The following SPATS2 variants were observed in gnomAD, a reference collection of about 807,000 sequenced individuals.
SPATS2 encodes spermatogenesis-associated serine-rich protein 2.
In SPATS2, 38 loss-of-function variants were observed where a neutral mutation model predicts 63.7. That is an observed-to-expected ratio of 0.60 (90% CI 0.46 to 0.78). SPATS2 has a LOEUF of 0.78. SPATS2 is among the 30% of genes least tolerant of loss of function. The pLI, the probability that SPATS2 is intolerant of heterozygous loss-of-function variation, is 0.00. For missense variants in SPATS2, 588 were observed against 666.2 expected, an observed-to-expected ratio of 0.88 and a Z score of 1.29; for synonymous variants, 207 against 232.9, an observed-to-expected ratio of 0.89 and a Z score of 1.01.
intron 2 of SPATS2, among the ~76,000 whole-genome samples, chr12:49,377,365 C>T (rs945451929): frequency 6.6e-6 from 1 of 152,102 alleles, no homozygotes; most frequent in Non-Finnish European, 1.5e-5. Context: ...AATGTGTGTT[C>T]GGTCTCTAGC....
At chr12:49,457,192 C>A (rs893131398) in intron 2 of SPATS2, among the ~76,000 whole-genome samples, 2 of 151,732 alleles carry the variant, frequency 1.3e-5, no homozygotes, top group Non-Finnish European at 2.9e-5. Flanking sequence ...TATTGTTTTC[C>A]AGGTTGGGTT....
intron 9 of SPATS2, among the ~76,000 whole-genome samples, chr12:49,509,402 TC>T (rs1413975925): frequency 6.7e-6 from 1 of 149,058 alleles, no homozygotes; most frequent in Non-Finnish European, 1.5e-5. Flanking sequence ...TGCCTGAGTC[TC>T]CCATGCAATT....
chr12:49,403,300 C>G (rs1348705460), intron 2 of SPATS2, among the ~76,000 whole-genome samples: 1 of 151,924 alleles, frequency 6.6e-6, no homozygotes, highest in Admixed American at 6.6e-5. Context: ...CCAAAGTGGT[C>G]AAAAGTAAAA....
At chr12:49,430,173 G>A (rs1402629646) in intron 2 of SPATS2, among the ~76,000 whole-genome samples, 5 of 143,208 alleles carry the variant, frequency 3.5e-5, no homozygotes, top group African/African-American at 7.9e-5. Context: ...TGATCTTGGC[G>A]CACTGCAAGG....
chr12:49,489,416 C>T (rs1946347984), intron 4 of SPATS2, 49 bp from the exon 5 acceptor site: 1 of 1,476,180 alleles, frequency 6.8e-7, no homozygotes, highest in Non-Finnish European at 9.5e-7. Flanking sequence ...CCTCAGCTGC[C>T]TAGTGACCTA....
At chr12:49,428,180 A>C (rs1009964209) in intron 2 of SPATS2, among the ~76,000 whole-genome samples, 1 of 152,006 alleles carries the variant, frequency 6.6e-6, no homozygotes, top group Admixed American at 6.6e-5. Context: ...GCGTGAACCC[A>C]GGAGGCGGAG....
At chr12:49,401,505 A>T (rs1944604802) in intron 2 of SPATS2, among the ~76,000 whole-genome samples, 1 of 152,074 alleles carries the variant, frequency 6.6e-6, no homozygotes, top group African/African-American at 2.4e-5. Context: ...ACCCTCAACC[A>T]TTTCTACTTT....
At chr12:49,385,171 C>T (rs1944290693) in intron 2 of SPATS2, among the ~76,000 whole-genome samples, 1 of 151,676 alleles carries the variant, frequency 6.6e-6, no homozygotes, top group African/African-American at 2.4e-5. Context: ...TAGGAGTAAA[C>T]TAAGCATGAA....
intron 2 of SPATS2, among the ~76,000 whole-genome samples, chr12:49,447,515 G>C (rs933284313): frequency 6.6e-6 from 1 of 152,224 alleles, no homozygotes; most frequent in Non-Finnish European, 1.5e-5. Context: ...GGGATTACAG[G>C]CGTGAGCCAC....
At chr12:49,412,319 C>T (rs1290585915) in intron 2 of SPATS2, among the ~76,000 whole-genome samples, 2 of 151,854 alleles carry the variant, frequency 1.3e-5, no homozygotes, top group Admixed American at 6.6e-5. Flanking sequence ...CTCAGCCTCC[C>T]GAGTAGCTGG....
intron 9 of SPATS2, 92 bp from the exon 10 acceptor site, chr12:49,514,463 A>C: frequency 8.4e-7 from 1 of 1,197,230 alleles, no homozygotes; most frequent in Non-Finnish European, 1.2e-6. Context: ...TTAGCAAACA[A>C]ACTCACTGGT....
chr12:49,468,058 C>CT (rs1251396562), intron 3 of SPATS2, among the ~76,000 whole-genome samples: 1 of 151,626 alleles, frequency 6.6e-6, no homozygotes, highest in Non-Finnish European at 1.5e-5. Context: ...CCTTTCTTTT[C>CT]TTTTTCTCTT....
At chr12:49,462,409 C>A (rs1945837633) in intron 3 of SPATS2, 1 of 702,348 alleles carries the variant, frequency 1.4e-6, no homozygotes, top group Non-Finnish European at 2.6e-6. Flanking sequence ...GCCTGTGACC[C>A]CCGAAGCTCC....
intron 6 of SPATS2, among the ~76,000 whole-genome samples, chr12:49,492,408 G>T (rs749240475): frequency 1.4e-5 from 2 of 147,214 alleles, no homozygotes; most frequent in Non-Finnish European, 2.9e-5. Context: ...TTTTAGTAGA[G>T]ACAGGGTTTC....
intron 2 of SPATS2, among the ~76,000 whole-genome samples, chr12:49,409,421 T>G (rs551233230): frequency 6.6e-6 from 1 of 152,042 alleles, no homozygotes; most frequent in South Asian, 2.1e-4. Context: ...TTCTCCTGCT[T>G]CAGCCTCCCG....
chr12:49,516,217 C>A, intron 10 of SPATS2, among the ~76,000 whole-genome samples: 1 of 102,764 alleles, frequency 9.7e-6, no homozygotes, highest in African/African-American at 3.6e-5. Flanking sequence ...ATAAATCAGG[C>A]ATGGGGTCAT....
At chr12:49,424,128 G>A (rs1284958424) in intron 2 of SPATS2, among the ~76,000 whole-genome samples, 3 of 152,058 alleles carry the variant, frequency 2.0e-5, no homozygotes, top group African/African-American at 4.8e-5. Flanking sequence ...ACTTGAACCC[G>A]AGAGGTGGAG....
intron 2 of SPATS2, among the ~76,000 whole-genome samples, chr12:49,387,479 AT>A (rs1483582900): frequency 6.6e-6 from 1 of 151,786 alleles, no homozygotes; most frequent in African/African-American, 2.4e-5. Context: ...TCTACTAAAA[AT>A]ACAAAAATTG....
chr12:49,500,854 T>G (rs572824101), intron 9 of SPATS2, among the ~76,000 whole-genome samples: 1 of 152,276 alleles, frequency 6.6e-6, no homozygotes, highest in Non-Finnish European at 1.5e-5. Flanking sequence ...TGAACAAAAT[T>G]ATAAAGTAGA....
Sources: gnomAD v4.1 joint callset for allele counts (sites outside exome capture counted in the v4.1 genomes callset) on GRCh38, gnomAD v4.1.1 for gene constraint, MANE v1.5 for transcripts, NCBI Gene and HGNC (gene_info 2026-07-23, HGNC 2026-07-21) for gene names.